PHF24: variants seen among roughly 807,000 people sequenced by gnomAD.
The protein encoded by PHF24 is PHD finger protein 24.
Under a neutral mutation model 42.6 loss-of-function variants are expected in PHF24, and 25 were observed. That is an observed-to-expected ratio of 0.59 (90% CI 0.43 to 0.82). The LOEUF (loss-of-function observed/expected upper bound fraction) is 0.82. Among genes scored for constraint, PHF24 ranks in the 40% least tolerant of loss-of-function variants. The pLI, the probability that PHF24 is intolerant of heterozygous loss-of-function variation, is 0.00. For synonymous variants in PHF24, 185 were observed against 204.8 expected (o/e 0.90, Z 0.83); for missense variants, 470 against 538.1 (o/e 0.87, Z 1.25).
chr9:34,956,316 G>C (rs375878791), upstream of PHF24, among the ~76,000 whole-genome samples: 6 of 152,336 alleles, frequency 3.9e-5, no homozygotes, highest in South Asian at 1.2e-3. Context: ...CTGGAATGCA[G>C]TGGTGCGATC....
chr9:34,941,774 C>T, the PHF24 span, among the ~76,000 whole-genome samples: 1 of 152,114 alleles, frequency 6.6e-6, no homozygotes, highest in Admixed American at 6.5e-5. Flanking sequence ...CCTTGGGCCC[C>T]TTTTATAAGG....
the PHF24 span, among the ~76,000 whole-genome samples, chr9:34,767,728 T>C: frequency 2.0e-5 from 3 of 152,356 alleles, no homozygotes; most frequent in South Asian, 4.1e-4. Context: ...GCGCCCACTG[T>C]CTGGCACTCC....
the PHF24 span, among the ~76,000 whole-genome samples, chr9:34,866,847 A>T: frequency 6.6e-6 from 1 of 152,082 alleles, no homozygotes; most frequent in African/African-American, 2.4e-5. Context: ...CTGTAGACCA[A>T]CTGTCCCTCC....
chr9:34,829,678 T>C, the PHF24 span, among the ~76,000 whole-genome samples: 1 of 152,300 alleles, frequency 6.6e-6, no homozygotes, highest in South Asian at 2.1e-4. Context: ...AAGGTATTAC[T>C]ATGCATTAGC....
intron 1 of PHF24, among the ~76,000 whole-genome samples, chr9:34,962,657 G>A (rs1441277954): frequency 6.6e-6 from 1 of 152,232 alleles, no homozygotes; most frequent in East Asian, 1.9e-4. Flanking sequence ...CTGTGTTTCA[G>A]GGAACCAGAG....
At chr9:34,704,851 A>G in the PHF24 span, among the ~76,000 whole-genome samples, 1 of 152,140 alleles carries the variant, frequency 6.6e-6, no homozygotes, top group African/African-American at 2.4e-5. Context: ...GGAGCAAATA[A>G]AAACAACAAA....
At chr9:34,678,745 C>T in the PHF24 span, among the ~76,000 whole-genome samples, 1 of 152,256 alleles carries the variant, frequency 6.6e-6, no homozygotes, top group Non-Finnish European at 1.5e-5. Context: ...ATTCTTCCAC[C>T]TCAGCCTCCT....
chr9:34,891,801 G>C, the PHF24 span, among the ~76,000 whole-genome samples: 2 of 152,164 alleles, frequency 1.3e-5, no homozygotes, highest in African/African-American at 2.4e-5. Flanking sequence ...TGATTTCCTG[G>C]ATCTACAGAG....
chr9:34,977,920 T>A (rs1827260813), intron 7 of PHF24, 95 bp from the exon 8 acceptor site: 2 of 1,012,552 alleles, frequency 2.0e-6, no homozygotes, highest in African/African-American at 3.2e-5. Flanking sequence ...CTCACGCGTC[T>A]TCAAACCAGC....
the PHF24 span, among the ~76,000 whole-genome samples, chr9:34,685,783 C>T: frequency 1.3e-5 from 2 of 152,200 alleles, no homozygotes; most frequent in African/African-American, 4.8e-5. Flanking sequence ...ATGGCCAGCA[C>T]CCAAAAGTAG....
the PHF24 span, among the ~76,000 whole-genome samples, chr9:34,778,428 A>G: frequency 6.6e-6 from 1 of 152,220 alleles, no homozygotes; most frequent in African/African-American, 2.4e-5. Flanking sequence ...AGGATAGCAT[A>G]AGGTGTACCA....
At chr9:34,795,322 A>G in the PHF24 span, among the ~76,000 whole-genome samples, 1 of 152,094 alleles carries the variant, frequency 6.6e-6, no homozygotes, top group Non-Finnish European at 1.5e-5. Flanking sequence ...TAAAAGAAAA[A>G]ATATTGCCAA....
Position 34,976,640 on chromosome 9 carries a change from G to A in PHF24, c.749G>A (p.Arg250His), listed in dbSNP as rs754382537. The stretch of plus-strand genomic sequence containing the variant: ...GAGGAGCAAGAAGAGCAGGCGGCCC[G>A]CCAGTTTGCTGCCCTGGACCCTGAA... Residue 250 changes from arginine (R) to histidine (H), a missense_variant, in exon 5 of 8, where the codon CGC becomes CAC. By Grantham distance (29) the Arg-to-His change is conservative. Transcript: ENST00000242315. The A allele has an allele frequency of 1.1e-5, 18 of 1,614,062 alleles. No individual in the cohort carries two copies. The highest frequency in any genetic ancestry group is 2.7e-5 in the African/African-American group (2 of 74,948).
chr9:34,939,719 G>A, the PHF24 span, among the ~76,000 whole-genome samples: 1 of 152,218 alleles, frequency 6.6e-6, no homozygotes, highest in Non-Finnish European at 1.5e-5. Context: ...GATTGGAGAG[G>A]CACATTCTCA....
chr9:34,884,254 T>C, the PHF24 span, among the ~76,000 whole-genome samples: 2 of 152,042 alleles, frequency 1.3e-5, no homozygotes, highest in African/African-American at 4.8e-5. Context: ...TTAGGAGATA[T>C]ACCTAATATA....
the PHF24 span, among the ~76,000 whole-genome samples, chr9:34,739,763 G>A: frequency 6.6e-6 from 1 of 152,116 alleles, no homozygotes. Context: ...TCCACACTGT[G>A]GAAGGATACC....
intron 2 of PHF24, among the ~76,000 whole-genome samples, 153 bp downstream of exon 2, chr9:34,971,829 G>T (rs575482629): frequency 6.6e-6 from 1 of 152,304 alleles, no homozygotes; most frequent in African/African-American, 2.4e-5. Context: ...TAAAATGTTT[G>T]TTATATCCTG....
the PHF24 span, among the ~76,000 whole-genome samples, chr9:34,785,614 G>A: frequency 6.6e-6 from 1 of 152,100 alleles, no homozygotes; most frequent in Non-Finnish European, 1.5e-5. Flanking sequence ...GTTTCAATAG[G>A]TACAGGAAGT....
chr9:34,938,796 G>C, the PHF24 span, among the ~76,000 whole-genome samples: 103 of 151,636 alleles, frequency 6.8e-4, no homozygotes, highest in Non-Finnish European at 1.1e-3. Context: ...AATTAGTCAG[G>C]CGTGGTGGCG....
Sources: allele counts gnomAD v4.1 joint callset (sites outside exome capture counted in the v4.1 genomes callset), GRCh38; gene constraint gnomAD v4.1.1; transcripts MANE v1.5; gene names NCBI Gene and HGNC (gene_info 2026-07-23, HGNC 2026-07-21).